Variants in ITGA11 observed in about 807,000 individuals in gnomAD.
ITGA11 encodes the protein integrin subunit alpha 11.
A neutral mutation model predicts 141.9 loss-of-function variants in ITGA11; 97 were observed. That is an observed-to-expected ratio of 0.68 (90% confidence interval 0.58 to 0.81). ITGA11 has a LOEUF of 0.81. Among genes scored for constraint, ITGA11 ranks in the 30% least tolerant of loss-of-function variants. ITGA11 has a pLI of 0.00. For missense variants in ITGA11, 1,387 were observed against 1,559.2 expected (o/e 0.89, Z 1.86); for synonymous variants, 658 against 624.6 (o/e 1.05, Z -0.80).
intron 2 of ITGA11, among the ~76,000 whole-genome samples, chr15:68,396,890 T>C (rs778362115): frequency 8.0e-6 from 1 of 124,382 alleles, no homozygotes; most frequent in Admixed American, 1.0e-4. Context: ...ATATAACATA[T>C]TTATTACAAT....
At chr15:68,363,232 A>G (rs1317703343) in intron 4 of ITGA11, among the ~76,000 whole-genome samples, 1 of 152,154 alleles carries the variant, frequency 6.6e-6, no homozygotes, top group African/African-American at 2.4e-5. Context: ...TGAACAGGTG[A>G]CTATCTATAA....
At chr15:68,365,573 T>TGTGTGTGTGTGTGC (rs1895393944) in intron 3 of ITGA11, 1 of 142,302 alleles carries the variant, frequency 7.0e-6, no homozygotes, top group African/African-American at 2.6e-5. Flanking sequence ...TGTGTGTGTG[T>TGTGTGTGTGTGTGC]GCACGTGTAC....
At chr15:68,346,944 C>T (rs1894762234) in intron 10 of ITGA11, among the ~76,000 whole-genome samples, 1 of 152,218 alleles carries the variant, frequency 6.6e-6, no homozygotes, top group Non-Finnish European at 1.5e-5. Flanking sequence ...TACACTTTTA[C>T]CTAGAAGGCA....
chr15:68,384,127 C>T (rs1239384441), intron 2 of ITGA11, among the ~76,000 whole-genome samples: 2 of 152,086 alleles, frequency 1.3e-5, no homozygotes, highest in African/African-American at 4.8e-5. Flanking sequence ...GCCCTGAGGA[C>T]TGGCCTTAGA....
At chr15:68,350,212 TCTGG>T (rs1156339665) in intron 9 of ITGA11, among the ~76,000 whole-genome samples, 1 of 152,160 alleles carries the variant, frequency 6.6e-6, no homozygotes, top group Non-Finnish European at 1.5e-5. Context: ...GGGGACAGGG[TCTGG>T]CTCTGTTGCC....
Position 68,298,451 on chromosome 15 carries a change from C to T in ITGA11, c.*4608G>A, listed in dbSNP as rs1331241348. On this transcript the variant is annotated 3_prime_UTR_variant, in exon 30 of 30. Transcript: ENST00000315757. ...AGTGTGGGCAACAAAGTGAGACCCC[C>T]TCTCTGCACAAAATTAAAAAAAAAA... 6.6e-6 allele frequency: 1 copy of T among 151,970 alleles called. No individual in the cohort carries two copies. The highest frequency in any genetic ancestry group is 6.6e-5 in the Admixed American group (1 of 15,262). The allele number at this position is 151,970 out of a possible 1,614,324, so 9.4% of individuals were successfully genotyped here.
At chr15:68,374,201 C>A (rs1895669398) in intron 2 of ITGA11, among the ~76,000 whole-genome samples, 2 of 152,292 alleles carry the variant, frequency 1.3e-5, no homozygotes, top group South Asian at 4.1e-4. Flanking sequence ...GGTGGAATCA[C>A]CAGCACCATG....
rs371415316 is a variant in ITGA11, at chr15:68,325,121, C to T, written c.2322+10G>A. ...CATGCCCGAGGTGCGTGCCCTGTAC[C>T]GAGATGTACCGAGACTCTGAGAGTG... On this transcript the variant is annotated intron_variant, in intron 18 of 29. Coordinates refer to ENST00000315757, the MANE Select transcript of ITGA11 (RefSeq NM_001004439.2). The surrounding 1 kb of genome is among the most constrained non-coding windows in gnomAD (Gnocchi z 5.5). 14 of 1,606,154 alleles carry T rather than the reference C, an allele frequency of 8.7e-6. No individual in the cohort carries two copies. The highest frequency in any genetic ancestry group is 1.6e-4 in the Middle Eastern group (1 of 6,072).
intron 1 of ITGA11, among the ~76,000 whole-genome samples, chr15:68,427,174 A>T (rs1303966697): frequency 6.6e-6 from 1 of 152,176 alleles, no homozygotes; most frequent in East Asian, 1.9e-4. Flanking sequence ...GTGCAACTGT[A>T]GCAAGGCCTT....
chr15:68,330,568 A>G (rs1188820191), intron 15 of ITGA11, among the ~76,000 whole-genome samples: 3 of 152,078 alleles, frequency 2.0e-5, no homozygotes, highest in African/African-American at 7.2e-5. Context: ...GAGGCCCTGA[A>G]GAAAGGAAGC....
rs1892926491 is a variant in ITGA11, at chr15:68,297,156, C to T, written c.*5903G>A. ...TAGAGATGGGGTTTTGCCATGATGC[C>T]TAGGCTGGTCTTGAACTCCTGGGTT... On this transcript the variant is annotated 3_prime_UTR_variant, in exon 30 of 30. Transcript: ENST00000315757. 1 of 152,108 alleles carries T rather than the reference C, an allele frequency of 6.6e-6. No individual in the cohort carries two copies. Among genetic ancestry groups the T allele is most frequent in the Non-Finnish European group, 1.5e-5 (1 of 68,078 alleles). 9.4% of individuals were successfully genotyped at this position (152,108 alleles called of 1,614,324 possible). A position where few individuals can be genotyped will look rare whatever the true frequency, so the allele number is the denominator to read the frequency against.
intron 21 of ITGA11, among the ~76,000 whole-genome samples, chr15:68,317,028 G>A (rs987312677): frequency 6.6e-6 from 1 of 152,222 alleles, no homozygotes; most frequent in African/African-American, 2.4e-5. Context: ...ACTAGTGGCT[G>A]GGAGTGGTAG....
intron 3 of ITGA11, chr15:68,365,170 A>G: frequency 1.0e-6 from 1 of 985,254 alleles, no homozygotes; most frequent in Non-Finnish European, 1.2e-6. Flanking sequence ...TTTGTGCAGT[A>G]TCCCCGCTAC....
intron 15 of ITGA11, among the ~76,000 whole-genome samples, chr15:68,329,551 T>C (rs1380654104): frequency 8.5e-5 from 13 of 152,220 alleles, no homozygotes; most frequent in Admixed American, 8.5e-4. Context: ...ATCCAATCAT[T>C]TCTGTGAGAC....
chr15:68,405,042 G>C (rs370627780), intron 1 of ITGA11, among the ~76,000 whole-genome samples: 1 of 152,012 alleles, frequency 6.6e-6, no homozygotes. Context: ...ACACGAGTGC[G>C]CCACTCTCCT....
At chr15:68,397,572 A>T (rs1331287724) in intron 2 of ITGA11, among the ~76,000 whole-genome samples, 8 of 11,246 alleles carry the variant, frequency 7.1e-4, no homozygotes, top group African/African-American at 1.3e-3. Flanking sequence ...AAATATTTAA[A>T]ATATTATATT....
At chr15:68,313,903 G>T in intron 22 of ITGA11, 35 bp from the exon 23 acceptor site, 5 of 1,553,696 alleles carry the variant, frequency 3.2e-6, no homozygotes, top group Non-Finnish European at 4.4e-6. Flanking sequence ...GTCAGGAAGG[G>T]GCTCAGCCAG....
At chr15:68,361,535 G>A in intron 5 of ITGA11, 55 bp downstream of exon 5, 1 of 1,197,240 alleles carries the variant, frequency 8.4e-7, no homozygotes, top group Non-Finnish European at 1.2e-6. Flanking sequence ...CAGGGCCCAA[G>A]TCTCTCTGGA....
At chr15:68,424,947 C>T (rs1566946301) in intron 1 of ITGA11, among the ~76,000 whole-genome samples, 1 of 152,228 alleles carries the variant, frequency 6.6e-6, no homozygotes, top group South Asian at 2.1e-4. Context: ...GCTCCACAGA[C>T]ACCCCTGCCC....
Sources: gnomAD v4.1 joint callset for allele counts (sites outside exome capture counted in the v4.1 genomes callset) on GRCh38, gnomAD v4.1.1 for gene constraint, Gnocchi (gnomAD v3.1) non-coding constraint, MANE v1.5 for transcripts, NCBI Gene and HGNC (gene_info 2026-07-23, HGNC 2026-07-21) for gene names.